Variants in ZNF423 observed in about 807,000 individuals in gnomAD.
ZNF423 encodes Ebf-associated zinc finger protein.
In ZNF423, 12 loss-of-function variants were observed where a neutral mutation model predicts 95.8. That is an observed-to-expected ratio of 0.13 (90% CI 0.08 to 0.20). ZNF423 has a LOEUF of 0.20. Ranked by LOEUF, ZNF423 falls within the 10% of genes least tolerant of loss-of-function variation. The pLI, the probability that ZNF423 is intolerant of heterozygous loss-of-function variation, is 1.00. For missense variants in ZNF423, 1,316 were observed against 1,737.1 expected (o/e 0.76, Z 4.31); for synonymous variants, 749 against 711.9 (o/e 1.05, Z -0.83).
rs113697513 is a variant in ZNF423, at chr16:49,806,725, T to TAA, written c.41-17181_41-17180dup. 7.5e-5 allele frequency among the ~76,000 whole-genome samples: 11 copies of TAA among 145,842 alleles called. No individual in the cohort carries two copies. In the East Asian group the frequency reaches 2.0e-3, roughly 26 times the overall value. On this transcript the variant is annotated intron_variant, in intron 1 of 7. Transcript: ENST00000563137. ...TTCTTCCTCATACTTTTTTTGTGGTTAAAAAAAAAAAATGCACAGCAGGCC... is the reference window on the plus strand; with the variant it reads ...TTCTTCCTCATACTTTTTTTGTGGTTAAAAAAAAAAAAAATGCACAGCAGGCC...
intron 3 of ZNF423, among the ~76,000 whole-genome samples, chr16:49,676,014 C>T (rs2031032445): frequency 6.6e-6 from 1 of 152,222 alleles, no homozygotes; most frequent in Admixed American, 6.5e-5. Flanking sequence ...CCCACAGTGC[C>T]CCCTTCTCCA....
intron 7 of ZNF423, among the ~76,000 whole-genome samples, chr16:49,494,316 G>A (rs959821862): frequency 5.9e-5 from 9 of 152,206 alleles, no homozygotes; most frequent in African/African-American, 1.9e-4. Context: ...CTTCCCTGAA[G>A]TTTTGTGACA....
chr16:49,586,045 A>T (rs981214707), intron 5 of ZNF423, among the ~76,000 whole-genome samples: 1 of 152,186 alleles, frequency 6.6e-6, no homozygotes. Flanking sequence ...GAACAATAGC[A>T]TCTGCCTCCC....
At chr16:49,854,481 G>A in intron 1 of ZNF423, 1 of 985,478 alleles carries the variant, frequency 1.0e-6, no homozygotes, top group Non-Finnish European at 1.2e-6. Flanking sequence ...TCCAGGAAAT[G>A]AACTTTTCAG....
At chr16:49,687,569 A>T (rs2031613241) in intron 3 of ZNF423, among the ~76,000 whole-genome samples, 1 of 152,234 alleles carries the variant, frequency 6.6e-6, no homozygotes, top group South Asian at 2.1e-4. Flanking sequence ...CTGCCATCAA[A>T]AAAGAATGAA....
chr16:49,742,710 C>T (rs1402103278), intron 2 of ZNF423, among the ~76,000 whole-genome samples: 2 of 152,142 alleles, frequency 1.3e-5, no homozygotes, highest in East Asian at 1.9e-4. Flanking sequence ...GTGGCCAGTG[C>T]TAGTGCCTGA....
intron 4 of ZNF423, among the ~76,000 whole-genome samples, chr16:49,629,108 T>G (rs1861656): frequency 0.54 from 81,691 of 152,050 alleles, 23,947 homozygotes; most frequent in African/African-American, 0.79. Context: ...AACCACCAGG[T>G]AGCTTAACCA....
chr16:49,621,307 A>T (rs576956010), intron 5 of ZNF423, among the ~76,000 whole-genome samples: 2 of 152,000 alleles, frequency 1.3e-5, no homozygotes, highest in African/African-American at 4.8e-5. Flanking sequence ...CGGAGGGGGG[A>T]TTTCAAAGGA....
chr16:49,780,785 G>A (rs536127733), intron 2 of ZNF423, among the ~76,000 whole-genome samples: 3 of 152,312 alleles, frequency 2.0e-5, no homozygotes, highest in African/African-American at 4.8e-5. Flanking sequence ...CTCCCCAGCC[G>A]AGCTAATGAG....
intron 3 of ZNF423, among the ~76,000 whole-genome samples, chr16:49,645,943 TC>T (rs1973155734): frequency 6.6e-6 from 1 of 152,206 alleles, no homozygotes; most frequent in Admixed American, 6.5e-5. Context: ...CCTGAGGCCT[TC>T]CCAGCCATGC....
rs8061070 is a variant in ZNF423 at position 49,762,953 on chromosome 16, G to A, written c.100+26534C>T. On this transcript the variant is annotated intron_variant, in intron 2 of 7. Coordinates refer to ENST00000563137, the MANE Select transcript of ZNF423 (RefSeq NM_001379286.1). ...CATGATCATAGCTCACTGCAGCCTC[G>A]GACTCCTGGACTCAAGCAATCCTCT... Among the ~76,000 whole-genome samples the A allele has an allele frequency of 4.7e-3, 706 of 150,436 alleles. 11 individuals carry two copies. The highest frequency in any genetic ancestry group is 0.016 in the African/African-American group (663 of 40,950).
intron 2 of ZNF423, among the ~76,000 whole-genome samples, chr16:49,752,184 C>T (rs1183001846): frequency 3.9e-5 from 6 of 152,256 alleles, no homozygotes; most frequent in African/African-American, 9.6e-5. Flanking sequence ...GTGCCCGTGA[C>T]GTGGCCCAGG....
intron 3 of ZNF423, among the ~76,000 whole-genome samples, chr16:49,646,602 G>A (rs1164245390): frequency 8.8e-5 from 9 of 102,852 alleles, no homozygotes; most frequent in East Asian, 2.8e-4. Flanking sequence ...AAGGAGTCTC[G>A]CTCTGTCACC....
In ZNF423 at chr16:49,638,001, G is replaced by C; in HGVS notation, c.1175C>G (p.Pro392Arg). The change falls in exon 4 of 8, where the codon CCG (proline) becomes CGG (arginine). Residue 392 changes from proline (P) to arginine (R), a missense_variant. Transcript: ENST00000563137. The surrounding 1 kb of genome is among the most constrained non-coding windows in gnomAD (Gnocchi z 5.6). ...CCGCAGCGGCTTCAAGGTGGAGTCC[G>C]GGGTGGAGCCACGCTCCACAGAGGC... ...SSASVERGSTPDSTLKPLRGQ... is the reference protein window; with the variant it reads ...SSASVERGSTRDSTLKPLRGQ... 6.2e-7 allele frequency: 1 copy of C among 1,614,078 alleles called. No individual in the cohort carries two copies. Among genetic ancestry groups the C allele is most frequent in the Non-Finnish European group, 8.5e-7 (1 of 1,180,036 alleles).
At chr16:49,702,373 C>G (rs1050027798) in intron 3 of ZNF423, among the ~76,000 whole-genome samples, 1 of 152,226 alleles carries the variant, frequency 6.6e-6, no homozygotes, top group Non-Finnish European at 1.5e-5. Flanking sequence ...ACCCCTCTGC[C>G]GAGGAGCCAC....
At chr16:49,798,990 G>A (rs541946099) in intron 1 of ZNF423, among the ~76,000 whole-genome samples, 15 of 152,210 alleles carry the variant, frequency 9.9e-5, no homozygotes, top group Non-Finnish European at 1.3e-4. Context: ...CCTTGCAGAA[G>A]TCACGCAGCA....
intron 1 of ZNF423, among the ~76,000 whole-genome samples, chr16:49,833,308 C>T (rs367915264): frequency 9.2e-5 from 14 of 152,322 alleles, no homozygotes; most frequent in Admixed American, 3.9e-4. Context: ...GATTTACGTG[C>T]GAGAGCAAAG....
chr16:49,614,622 T>G (rs1170611462), intron 5 of ZNF423, among the ~76,000 whole-genome samples: 1 of 152,192 alleles, frequency 6.6e-6, no homozygotes, highest in Non-Finnish European at 1.5e-5. Context: ...AATGGAAATG[T>G]TTTGTAGCTT....
At chr16:49,713,648 C>T (rs2032613365) in intron 3 of ZNF423, among the ~76,000 whole-genome samples, 1 of 152,188 alleles carries the variant, frequency 6.6e-6, no homozygotes, top group South Asian at 2.1e-4. Context: ...AAATGCTCCT[C>T]CATCTCCCGG....
Sources: allele counts gnomAD v4.1 joint callset (sites outside exome capture counted in the v4.1 genomes callset), GRCh38; gene constraint gnomAD v4.1.1; non-coding constraint Gnocchi (gnomAD v3.1); transcripts MANE v1.5; gene names NCBI Gene and HGNC (gene_info 2026-07-23, HGNC 2026-07-21).